Variants in PRKG1 observed in about 807,000 individuals in gnomAD.
PRKG1 encodes the protein protein kinase cGMP-dependent 1, also known as cGMP-dependent protein kinase 1.
In PRKG1, 35 loss-of-function variants were observed where a neutral mutation model predicts 88.1. The observed-to-expected ratio is 0.40, with a 90% CI of 0.30 to 0.53. PRKG1 has a LOEUF of 0.53. Among genes scored for constraint, PRKG1 ranks in the 20% least tolerant of loss-of-function variants. The pLI, the probability that PRKG1 is intolerant of heterozygous loss-of-function variation, is 0.59. For synonymous variants in PRKG1, 303 were observed against 292.5 expected, an observed-to-expected ratio of 1.04 and a Z score of -0.37; for missense variants, 540 against 839.8, an observed-to-expected ratio of 0.64 and a Z score of 4.41.
intron 10 of PRKG1, among the ~76,000 whole-genome samples, chr10:52,254,240 TG>T (rs753027190): frequency 1.3e-4 from 20 of 152,008 alleles, no homozygotes; most frequent in Non-Finnish European, 2.5e-4. Context: ...AGTTCTTTTG[TG>T]ATTACAGAAG....
At chr10:51,504,440 A>G (rs1841133126) in intron 3 of PRKG1, among the ~76,000 whole-genome samples, 1 of 152,100 alleles carries the variant, frequency 6.6e-6, no homozygotes, top group Admixed American at 6.6e-5. Context: ...CTTAGGGTTG[A>G]CTTGGCAATG....
chr10:51,858,996 C>T (rs1840795077), intron 4 of PRKG1, among the ~76,000 whole-genome samples: 1 of 152,104 alleles, frequency 6.6e-6, no homozygotes. Context: ...ACACAATGCA[C>T]TTGTCTCAAC....
intron 1 of PRKG1, among the ~76,000 whole-genome samples, chr10:51,128,889 A>C (rs372435933): frequency 1.3e-5 from 2 of 152,198 alleles, no homozygotes; most frequent in African/African-American, 4.8e-5. Flanking sequence ...ATTCGATGAA[A>C]GTTTATGCCA....
chr10:51,916,389 C>A (rs577303723), intron 5 of PRKG1, among the ~76,000 whole-genome samples: 32 of 152,296 alleles, frequency 2.1e-4, no homozygotes, highest in Admixed American at 1.9e-3. Context: ...GGAAGTTACC[C>A]TAAATGGTGT....
chr10:51,596,690 G>A (rs1400684335), intron 3 of PRKG1, among the ~76,000 whole-genome samples: 6 of 152,076 alleles, frequency 3.9e-5, no homozygotes, highest in South Asian at 2.1e-4. Flanking sequence ...TTGGAACAGC[G>A]TTATCTCTTC....
chr10:51,556,420 C>CT (rs11446892), intron 3 of PRKG1, among the ~76,000 whole-genome samples: 98,976 of 151,326 alleles, frequency 0.65, 36,417 homozygotes, highest in East Asian at 0.98. Context: ...TGGTATGATA[C>CT]TTTTTTTTAC....
At chr10:51,306,900 A>G (rs1487746665) in intron 2 of PRKG1, among the ~76,000 whole-genome samples, 1 of 152,162 alleles carries the variant, frequency 6.6e-6, no homozygotes, top group African/African-American at 2.4e-5. Context: ...AGAAAGTTCA[A>G]AGGGATTTGT....
At chr10:51,377,049 T>A (rs1213272528) in intron 2 of PRKG1, among the ~76,000 whole-genome samples, 1 of 152,204 alleles carries the variant, frequency 6.6e-6, no homozygotes, top group Non-Finnish European at 1.5e-5. Context: ...ATTGTGTTAT[T>A]TCTGAATACA....
At chr10:51,767,648 A>T (rs1838202181) in intron 3 of PRKG1, among the ~76,000 whole-genome samples, 1 of 152,054 alleles carries the variant, frequency 6.6e-6, no homozygotes, top group Non-Finnish European at 1.5e-5. Context: ...TAACCTATGA[A>T]ATCAGGCTGT....
intron 4 of PRKG1, among the ~76,000 whole-genome samples, chr10:51,835,138 G>A (rs899861566): frequency 6.6e-6 from 1 of 152,132 alleles, no homozygotes; most frequent in Non-Finnish European, 1.5e-5. Context: ...AGATTATGGG[G>A]CTTTGGCTTA....
At chr10:51,145,908 C>T (rs928891319) in intron 1 of PRKG1, among the ~76,000 whole-genome samples, 4 of 152,134 alleles carry the variant, frequency 2.6e-5, no homozygotes, top group South Asian at 2.1e-4. Flanking sequence ...TTTACATTCT[C>T]ACCTACAGTG....
chr10:51,259,288 C>T lies in PRKG1; in HGVS notation c.478+105958C>T, dbSNP rs192851620. ...GCATGCCATTTCTTGTGAAGAAAAT[C>T]GTTTAGCAGATATCTCAAGGATGTA... On this transcript the variant is annotated intron_variant, in intron 2 of 17. Coordinates refer to ENST00000373980, the MANE Select transcript of PRKG1 (RefSeq NM_006258.4). Among the ~76,000 whole-genome samples the T allele has an allele frequency of 4.6e-5, 7 of 152,236 alleles. No individual in the cohort carries two copies. The East Asian group carries it at 1.2e-3, about 25-fold the overall frequency.
At chr10:51,456,113 G>A (rs1314475366) in intron 2 of PRKG1, among the ~76,000 whole-genome samples, 2 of 152,186 alleles carry the variant, frequency 1.3e-5, no homozygotes. Flanking sequence ...GAAGAGCAAA[G>A]TCGCATCTCA....
At chr10:52,018,951 T>C (rs1159206835) in intron 5 of PRKG1, among the ~76,000 whole-genome samples, 3 of 138,454 alleles carry the variant, frequency 2.2e-5, no homozygotes, top group African/African-American at 8.1e-5. Context: ...AAAGGAACAC[T>C]TGCGCTTGGA....
At chr10:51,798,263 C>T (rs1412167712) in intron 3 of PRKG1, among the ~76,000 whole-genome samples, 1 of 151,974 alleles carries the variant, frequency 6.6e-6, no homozygotes, top group Non-Finnish European at 1.5e-5. Flanking sequence ...ATATTCCTAC[C>T]AGCAATGCAC....
intron 3 of PRKG1, among the ~76,000 whole-genome samples, chr10:51,777,904 A>G (rs898479931): frequency 3.9e-5 from 6 of 152,082 alleles, no homozygotes; most frequent in African/African-American, 9.7e-5. Context: ...TGAAATTTGC[A>G]TTTAAGCTTC....
At chr10:51,117,461 C>T (rs1845155302) in intron 1 of PRKG1, among the ~76,000 whole-genome samples, 1 of 152,190 alleles carries the variant, frequency 6.6e-6, no homozygotes. Flanking sequence ...GTAATAATCA[C>T]ATATTTGGAA....
chr10:51,142,203 T>G (rs1845836587), intron 1 of PRKG1, among the ~76,000 whole-genome samples: 1 of 152,096 alleles, frequency 6.6e-6, no homozygotes, highest in African/African-American at 2.4e-5. Flanking sequence ...GTTGAATCCA[T>G]TGCTGAATTC....
chr10:51,492,102 C>G (rs1354442000), intron 3 of PRKG1, among the ~76,000 whole-genome samples: 1 of 152,076 alleles, frequency 6.6e-6, no homozygotes, highest in East Asian at 1.9e-4. Flanking sequence ...TTTTGCTCAA[C>G]CATGATGTGT....
Sources: allele counts gnomAD v4.1 joint callset (sites outside exome capture counted in the v4.1 genomes callset), GRCh38; gene constraint gnomAD v4.1.1; transcripts MANE v1.5; gene names NCBI Gene and HGNC (gene_info 2026-07-23, HGNC 2026-07-21).